Variants in ACOT11 observed in about 807,000 individuals in gnomAD.
The protein encoded by ACOT11 is acyl-coenzyme A thioesterase 11.
Under a neutral mutation model 77.5 loss-of-function variants are expected in ACOT11, and 69 were observed. The ratio of observed to expected loss-of-function variants is 0.89; its 90% CI spans 0.73 to 1.09. The LOEUF (loss-of-function observed/expected upper bound fraction) is 1.09. Ranked by LOEUF, ACOT11 falls within the 50% of genes least tolerant of loss-of-function variation. ACOT11 has a pLI of 0.00. For missense variants in ACOT11, 766 were observed against 813.7 expected (o/e 0.94, Z 0.71); for synonymous variants, 279 against 313.0 (o/e 0.89, Z 1.15).
chr1:54,578,119 T>C (rs1301813088), intron 1 of ACOT11, among the ~76,000 whole-genome samples: 1 of 152,196 alleles, frequency 6.6e-6, no homozygotes, highest in African/African-American at 2.4e-5. Flanking sequence ...CTGTCACATA[T>C]GCAGACTCCT....
intron 1 of ACOT11, among the ~76,000 whole-genome samples, chr1:54,554,554 T>C (rs2100937557): frequency 6.6e-6 from 1 of 151,560 alleles, no homozygotes; most frequent in Non-Finnish European, 1.5e-5. Flanking sequence ...ATGGGTTCTC[T>C]CTATGTTGAC....
intron 15 of ACOT11, chr1:54,620,069 G>T: frequency 1.3e-6 from 2 of 1,566,552 alleles, no homozygotes; most frequent in Non-Finnish European, 1.7e-6. Context: ...ACTCATGTTC[G>T]TTCATCCCAT....
intron 10 of ACOT11, 76 bp downstream of exon 10, chr1:54,602,800 T>A: frequency 7.1e-7 from 1 of 1,403,924 alleles, no homozygotes; most frequent in Non-Finnish European, 9.4e-7. Flanking sequence ...GGCACTCGCT[T>A]TTCTTCAGAG....
intron 15 of ACOT11, among the ~76,000 whole-genome samples, chr1:54,624,673 G>A (rs1644261254): frequency 6.6e-6 from 1 of 152,162 alleles, no homozygotes; most frequent in South Asian, 2.1e-4. Context: ...GAAGAAAGGA[G>A]TGGTCAGCCA....
At chr1:54,582,513 C>T (rs988722265) in intron 1 of ACOT11, 12 of 985,214 alleles carry the variant, frequency 1.2e-5, no homozygotes, top group South Asian at 4.7e-5. Context: ...TCCTGGCTCC[C>T]GTGGCATAGG....
At chr1:54,557,100 T>G (rs172503) in intron 1 of ACOT11, among the ~76,000 whole-genome samples, 61 of 151,124 alleles carry the variant, frequency 4.0e-4, no homozygotes, top group Non-Finnish European at 7.2e-4. Flanking sequence ...TTAAAAAAAA[T>G]TTTTATACTT....
intron 8 of ACOT11, among the ~76,000 whole-genome samples, chr1:54,600,922 G>T (rs528083415): frequency 3.3e-5 from 5 of 152,208 alleles, no homozygotes; most frequent in African/African-American, 1.2e-4. Context: ...AGCCCATGAG[G>T]CATAGACTGG....
In ACOT11 at chr1:54,570,664, G is replaced by A. The variant is rs536274177; in HGVS notation, c.34-13991G>A. Among the ~76,000 whole-genome samples the A allele has an allele frequency of 7.1e-5, 10 of 141,110 alleles. 1 individual carries two copies. The South Asian group carries it at 2.3e-3, about 32-fold the overall frequency. 92.6% of individuals were successfully genotyped at this position (141,110 alleles called of 152,430 possible). On this transcript the variant is annotated intron_variant, in intron 1 of 15. Coordinates refer to ENST00000343744, the MANE Select transcript of ACOT11 (RefSeq NM_147161.4). ...AAGTGCTGGCTGGGATTACAGGCAT[G>A]AGCCACCGTGCCTGGCCTTTTTTTT...
At chr1:54,564,936 G>T (rs1653684244) in intron 1 of ACOT11, among the ~76,000 whole-genome samples, 1 of 152,188 alleles carries the variant, frequency 6.6e-6, no homozygotes, top group Admixed American at 6.5e-5. Flanking sequence ...TAGGCTTTGA[G>T]AGCAGGGCGA....
chr1:54,572,493 G>T (rs1008259477), intron 1 of ACOT11, among the ~76,000 whole-genome samples: 1 of 152,126 alleles, frequency 6.6e-6, no homozygotes, highest in Admixed American at 6.5e-5. Flanking sequence ...CCACCCCACC[G>T]TCAGGGCCTG....
chr1:54,613,545 C>G (rs576747294), downstream of ACOT11, among the ~76,000 whole-genome samples: 81 of 152,260 alleles, frequency 5.3e-4, no homozygotes, highest in Non-Finnish European at 9.0e-4. Flanking sequence ...ACCTTGGCCT[C>G]CCAAAGTACT....
chr1:54,614,525 G>GA (rs948842821), downstream of ACOT11, among the ~76,000 whole-genome samples: 2 of 152,182 alleles, frequency 1.3e-5, no homozygotes, highest in African/African-American at 4.8e-5. Flanking sequence ...TGGTTTGTCA[G>GA]AAAAGGGGGG....
chr1:54,569,017 G>A (rs1653839136), intron 1 of ACOT11, among the ~76,000 whole-genome samples: 1 of 151,954 alleles, frequency 6.6e-6, no homozygotes, highest in South Asian at 2.1e-4. Flanking sequence ...ATGCTGAGGT[G>A]GGAGGATTAC....
intron 1 of ACOT11, among the ~76,000 whole-genome samples, chr1:54,571,513 G>T (rs1653931020): frequency 2.0e-5 from 3 of 152,162 alleles, no homozygotes; most frequent in African/African-American, 4.8e-5. Flanking sequence ...AGACTAGATT[G>T]TGCTCAGCTC....
chr1:54,607,359 C>T lies in ACOT11; in HGVS notation c.1502+94C>T, dbSNP rs921945556. ...CCCAGGGAAGGGCATCAGCCTGGAG[C>T]CAGAGCTCTGCTTCCCATTGGCTGT... is the stretch of plus-strand genomic sequence containing the variant. On this transcript the variant is annotated intron_variant, in intron 14 of 15. Transcript: ENST00000343744. This position sits in a 1 kb window ranked among gnomAD's most constrained non-coding sequence, Gnocchi z 4.5. 6.4e-7 allele frequency: 1 copy of T among 1,565,438 alleles called. No individual in the cohort carries two copies. The highest frequency in any genetic ancestry group is 8.7e-7 in the Non-Finnish European group (1 of 1,150,610).
At chr1:54,564,150 G>A (rs1347910815) in intron 1 of ACOT11, among the ~76,000 whole-genome samples, 2 of 152,236 alleles carry the variant, frequency 1.3e-5, no homozygotes, top group Non-Finnish European at 2.9e-5. Context: ...TGAGGTGGGA[G>A]GATTGCTTGA....
At position 54,591,470 on chromosome 1, in the gene ACOT11, G is replaced by C. The variant is rs568986955; in HGVS notation, c.312-1076G>C. Among the ~76,000 whole-genome samples, 8 of 152,350 alleles carry C rather than the reference G, an allele frequency of 5.3e-5. No individual in the cohort carries two copies. The South Asian group carries it at 1.7e-3, about 32-fold the overall frequency. On this transcript the variant is annotated intron_variant, in intron 3 of 15. Transcript: ENST00000343744. ...GGCCCCTTGACCAGCAGGCCCCTTG[G>C]AATGGACCCTTCCTAGGCTTGGCCA...
Position 54,627,450 on chromosome 1 carries a change from C to A in ACOT11, c.1630-3284C>A, listed in dbSNP as rs532425145. On this transcript the variant is annotated intron_variant, in intron 15 of 16. Coordinates refer to the ACOT11 transcript ENST00000371316. ...GTGAAGACTCCTCCATTGTCTGTGA[C>A]ACTTCTCGTGGGGCATAAATTACTA... 1.6e-4 allele frequency among the ~76,000 whole-genome samples: 21 copies of A among 135,126 alleles called. 6 individuals are homozygous for A. Among genetic ancestry groups the A allele is most frequent in the Non-Finnish European group, 3.4e-4 (20 of 59,630 alleles). The allele number at this position is 135,126 out of a possible 152,430, so 88.6% of individuals were successfully genotyped here.
downstream of ACOT11, chr1:54,610,418 G>A: frequency 6.2e-7 from 1 of 1,613,248 alleles, no homozygotes; most frequent in Non-Finnish European, 8.5e-7. Context: ...TTACCTGGGA[G>A]GGTCATTGTT....
Sources: gnomAD v4.1 joint callset for allele counts (sites outside exome capture counted in the v4.1 genomes callset) on GRCh38, gnomAD v4.1.1 for gene constraint, Gnocchi (gnomAD v3.1) non-coding constraint, MANE v1.5 for transcripts, NCBI Gene and HGNC (gene_info 2026-07-23, HGNC 2026-07-21) for gene names.